The following MMP20 variants were observed in gnomAD, a reference collection of about 807,000 sequenced individuals.
MMP20 encodes matrix metallopeptidase 20.
In MMP20, 50 loss-of-function variants were observed where a neutral mutation model predicts 51.8. The observed-to-expected ratio is 0.97, with a 90% CI of 0.77 to 1.22. The LOEUF (loss-of-function observed/expected upper bound fraction) is 1.22. MMP20 is among the 50% of genes most tolerant of loss of function. The pLI, the probability that MMP20 is intolerant of heterozygous loss-of-function variation, is 0.00. For synonymous variants in MMP20, 244 were observed against 216.2 expected (o/e 1.13, Z -1.13); for missense variants, 663 against 601.4 (o/e 1.10, Z -1.07).
intron 1 of MMP20, among the ~76,000 whole-genome samples, chr11:102,618,198 C>T (rs946868202): frequency 1.3e-5 from 2 of 152,040 alleles, no homozygotes; most frequent in Admixed American, 6.5e-5. Flanking sequence ...ATGCAACCGT[C>T]GATTTTTTCC....
At chr11:102,614,906 A>G (rs1213180207) in intron 2 of MMP20, among the ~76,000 whole-genome samples, 1 of 152,076 alleles carries the variant, frequency 6.6e-6, no homozygotes, top group Admixed American at 6.5e-5. Flanking sequence ...ACTGAATGCC[A>G]GGTTGTGAAG....
chr11:102,591,171 C>T (rs1305066380), intron 8 of MMP20, among the ~76,000 whole-genome samples: 1 of 152,158 alleles, frequency 6.6e-6, no homozygotes, highest in East Asian at 1.9e-4. Flanking sequence ...TGAATAGGGC[C>T]AGTACAATAG....
intron 1 of MMP20, among the ~76,000 whole-genome samples, chr11:102,623,193 G>C (rs1565402233): frequency 6.6e-6 from 1 of 152,174 alleles, no homozygotes; most frequent in African/African-American, 2.4e-5. Flanking sequence ...GTTTCTAAAC[G>C]TGCCTAGCTG....
rs374230120 is a variant in MMP20 at position 102,616,843 on chromosome 11, G to T, written c.343C>A (p.Pro115Thr). The T allele has an allele frequency of 1.9e-6, 3 of 1,614,098 alleles. No individual in the cohort carries two copies. The highest frequency in any genetic ancestry group is 1.1e-5 in the South Asian group (1 of 91,078). ...VANYRLFPGE[P>T]KWKKNTLTYR... ...GTCAAAGTATTTTTTTTCCATTTGG[G>T]TTCACCAGGGAAGAGGCGATAATTG... Residue 115 changes from proline (P) to threonine (T), a missense_variant, in exon 2 of 10, where the codon CCC becomes ACC. Pro to Thr is a conservative substitution (Grantham distance 38). Transcript: ENST00000260228.
At chr11:102,594,823 T>A in intron 6 of MMP20, 66 bp from the exon 7 acceptor site, 1 of 1,577,152 alleles carries the variant, frequency 6.3e-7, no homozygotes, top group Non-Finnish European at 8.6e-7. Context: ...CATATAAAAT[T>A]GCACTTTGAC....
At position 102,593,440 on chromosome 11, in the gene MMP20, T is replaced by C; in HGVS notation, c.1246A>G (p.Ser416Gly). 2.5e-6 allele frequency: 4 copies of C among 1,613,900 alleles called. No individual in the cohort carries two copies. The highest frequency in any genetic ancestry group is 8.5e-7 in the Non-Finnish European group (1 of 1,179,778). The change falls in exon 8 of 10, where the codon AGC becomes GGC. Residue 416 changes from serine to glycine, a missense_variant and splice_region_variant. Transcript: ENST00000260228. ...TAGTAAAAAGGAAAAAAGCCATACC[T>C]GTAGTATTCATCTCCCACAAAGAAA... ...TLFFVGDEYY[S>G]YDERKRKMEK...
intron 6 of MMP20, among the ~76,000 whole-genome samples, chr11:102,598,041 A>G (rs796808219): frequency 1.1e-4 from 12 of 108,942 alleles, no homozygotes; most frequent in African/African-American, 3.6e-4. Flanking sequence ...TGCTGAGATT[A>G]CAGGCGTAGA....
At chr11:102,605,537 T>C (rs922173175) in intron 6 of MMP20, 1 of 151,878 alleles carries the variant, frequency 6.6e-6, no homozygotes, top group South Asian at 2.1e-4. Flanking sequence ...CAGGGAACTC[T>C]CTCTAGATCT....
At chr11:102,598,801 C>G (rs1487005825) in intron 6 of MMP20, among the ~76,000 whole-genome samples, 1 of 152,074 alleles carries the variant, frequency 6.6e-6, no homozygotes. Context: ...TTTTGTTTTA[C>G]CCAGTCATCA....
chr11:102,618,458 G>A (rs1784414), intron 1 of MMP20, among the ~76,000 whole-genome samples: 113,283 of 151,364 alleles, frequency 0.75, 42,618 homozygotes, highest in East Asian at 0.92. Flanking sequence ...AAGTAATTGG[G>A]AGTAACCTTA....
intron 6 of MMP20, among the ~76,000 whole-genome samples, chr11:102,599,947 C>T (rs1859426144): frequency 6.6e-6 from 1 of 152,178 alleles, no homozygotes; most frequent in Non-Finnish European, 1.5e-5. Flanking sequence ...ATCTGAAGAG[C>T]CCGTGAAAAT....
intron 8 of MMP20, among the ~76,000 whole-genome samples, chr11:102,589,546 A>G (rs915949334): frequency 1.3e-5 from 2 of 152,170 alleles, no homozygotes; most frequent in Non-Finnish European, 2.9e-5. Flanking sequence ...TTCCCTTTCA[A>G]TGCCATAATT....
chr11:102,616,393 C>T (rs1366054803), intron 2 of MMP20, among the ~76,000 whole-genome samples: 2 of 152,110 alleles, frequency 1.3e-5, no homozygotes, highest in Non-Finnish European at 2.9e-5. Context: ...ACCTTTATAA[C>T]CCTCAAATGG....
intron 9 of MMP20, among the ~76,000 whole-genome samples, 160 bp from the exon 10 acceptor site, chr11:102,577,586 G>A (rs1859141004): frequency 6.6e-6 from 1 of 152,192 alleles, no homozygotes; most frequent in African/African-American, 2.4e-5. Context: ...CCTAGAACCT[G>A]ACTCCTGAAC....
At position 102,577,209 on chromosome 11, in the gene MMP20, A is replaced by T; in HGVS notation, c.*117T>A. 1 of 717,786 alleles carries T rather than the reference A, an allele frequency of 1.4e-6. No homozygotes were observed. Among genetic ancestry groups the T allele is most frequent in the Non-Finnish European group, 2.5e-6 (1 of 397,688 alleles). 44.5% of individuals were successfully genotyped at this position (717,786 alleles called of 1,614,324 possible). A position where few individuals can be genotyped will look rare whatever the true frequency, so the allele number is the denominator to read the frequency against. ...GTATTATTATTCTCAGTGAATTCTA[A>T]TTTGATTTGAAGGCCTTTGGAAGAA... On this transcript the variant is annotated 3_prime_UTR_variant, in exon 10 of 10. Coordinates refer to ENST00000260228, the MANE Select transcript of MMP20 (RefSeq NM_004771.4).
Position 102,609,087 on chromosome 11 carries a change from AC to A in MMP20, c.660del (p.Leu220PhefsTer24), listed in dbSNP as rs769703229. The A allele has an allele frequency of 1.9e-6, 3 of 1,614,222 alleles. No homozygotes were observed. In the East Asian group the frequency reaches 6.7e-5, roughly 36 times the overall value. On this transcript the variant is annotated frameshift_variant, in exon 5 of 10. Coordinates refer to ENST00000260228, the MANE Select transcript of MMP20 (RefSeq NM_004771.4). LOFTEE classifies it high-confidence loss of function. ...KWTMGTNGFN[L>X]FTVAAHEFGH... ...CCAAATTCATGAGCAGCAACGGTAA[AC>A]AAATTAAAACCTAGACAATATGAGA...
intron 5 of MMP20, chr11:102,607,719 A>G (rs1859537516): frequency 6.6e-6 from 1 of 152,102 alleles, no homozygotes; most frequent in Non-Finnish European, 1.5e-5. Context: ...GCTGTGCCAA[A>G]ATATGTGCTT....
chr11:102,581,734 A>G (rs1368237380), intron 8 of MMP20, among the ~76,000 whole-genome samples: 1 of 152,200 alleles, frequency 6.6e-6, no homozygotes, highest in African/African-American at 2.4e-5. Context: ...CAATGAAAAT[A>G]AAAGAAATAC....
In MMP20 at chr11:102,625,194, C is replaced by T. The variant is rs2135952014; in HGVS notation, c.126G>A (p.Gln42=). Reference sequence around the variant, plus strand: ...AGGAATTGGGCAAAAATTCACAAACCTGTGCGAGGCGGTAGTTGTTCCTCC... The same window carrying T: ...AGGAATTGGGCAAAAATTCACAAACTTGTGCGAGGCGGTAGTTGTTCCTCC... The part of the protein sequence containing the change: ...RTWRNNYRLA[Q]AYLDKYYTNK... Residue 42 remains glutamine, a splice_region_variant and synonymous_variant, in exon 1 of 10, where the codon CAG becomes CAA. Coordinates refer to ENST00000260228, the MANE Select transcript of MMP20 (RefSeq NM_004771.4). 6.2e-7 allele frequency: 1 copy of T among 1,613,702 alleles called. No homozygotes were observed. The highest frequency in any genetic ancestry group is 1.1e-5 in the South Asian group (1 of 91,064).
Sources: gnomAD v4.1 joint callset for allele counts (sites outside exome capture counted in the v4.1 genomes callset) on GRCh38, gnomAD v4.1.1 for gene constraint, MANE v1.5 for transcripts, NCBI Gene and HGNC (gene_info 2026-07-23, HGNC 2026-07-21) for gene names.